APOB: variants seen among roughly 807,000 people sequenced by gnomAD.
APOB encodes apolipoprotein B.
APOB carries 153 observed loss-of-function variants against 314.1 expected under a neutral mutation model. The observed-to-expected ratio is 0.49, with a 90% confidence interval of 0.43 to 0.56. The LOEUF is 0.56. APOB is among the 20% of genes least tolerant of loss of function. The pLI, the probability that APOB is intolerant of heterozygous loss-of-function variation, is 0.00. For missense variants in APOB, 5,430 were observed against 5,350.7 expected (o/e 1.01, Z -0.46); for synonymous variants, 2,087 against 2,036.4 (o/e 1.02, Z -0.67).
intron 8 of APOB, among the ~76,000 whole-genome samples, 156 bp from the exon 9 acceptor site, chr2:21,033,674 T>G (rs1663935126): frequency 6.6e-6 from 1 of 152,146 alleles, no homozygotes; most frequent in South Asian, 2.1e-4. Flanking sequence ...CTGCCATAGG[T>G]GATTGACTTG....
At position 21,025,640 on chromosome 2, in the gene APOB, C is replaced by G. The variant is rs569504856; in HGVS notation, c.2245-516G>C. On this transcript the variant is annotated intron_variant, in intron 15 of 28. Coordinates refer to ENST00000233242, the MANE Select transcript of APOB (RefSeq NM_000384.3). The stretch of plus-strand genomic sequence containing the variant: ...AAAAAAAATGTGAAACTGACAGACT[C>G]AAAGCAGATCAAAGATCCTCGGCCT... Among the ~76,000 whole-genome samples the G allele has an allele frequency of 2.6e-5, 4 of 152,226 alleles. No individual in the cohort carries two copies. The East Asian group carries it at 7.7e-4, about 29-fold the overall frequency.
chr2:21,043,925 C>A lies in APOB; in HGVS notation c.21G>T (p.Ala7=). 1.4e-6 allele frequency: 2 copies of A among 1,393,532 alleles called. No individual in the cohort carries two copies. Among genetic ancestry groups the A allele is most frequent in the South Asian group, 1.5e-5 (1 of 65,472 alleles). The allele number at this position is 1,393,532 out of a possible 1,614,324, so 86.3% of individuals were successfully genotyped here. The change falls in exon 1 of 29, where the codon GCG becomes GCT. Residue 7 remains alanine, a synonymous_variant. Transcript: ENST00000233242. MDPPRP[A]LLALLALPAL... Reference sequence around the variant, plus strand: ...CAGGCAGCGCCAGCAGCGCCAGCAGCGCGGGCCTCGGCGGGTCCATCGCCA... The same window carrying A: ...CAGGCAGCGCCAGCAGCGCCAGCAGAGCGGGCCTCGGCGGGTCCATCGCCA...
At position 21,043,894 on chromosome 2, in the gene APOB, G is replaced by A; in HGVS notation, c.52C>T (p.Leu18=). 7.0e-7 allele frequency: 1 copy of A among 1,435,244 alleles called. No individual in the cohort carries two copies. The highest frequency in any genetic ancestry group is 9.1e-7 in the Non-Finnish European group (1 of 1,098,386). The allele number at this position is 1,435,244 out of a possible 1,614,324, so 88.9% of individuals were successfully genotyped here. ...CTGGCGCCCGCCAGCAGCAGCAGCAGCAGCGCAGGCAGCGCCAGCAGCGCC... is the reference window on the plus strand; with the variant it reads ...CTGGCGCCCGCCAGCAGCAGCAGCAACAGCGCAGGCAGCGCCAGCAGCGCC... The part of the protein sequence containing the change: ...LLALLALPAL[L]LLLLAGARAE... Residue 18 remains leucine, a synonymous_variant, in exon 1 of 29, where the codon CTG becomes TTG. Coordinates refer to ENST00000233242, the MANE Select transcript of APOB (RefSeq NM_000384.3).
Position 21,035,664 on chromosome 2 carries a change from C to T in APOB, c.738G>A (p.Gln246=), listed in dbSNP as rs1663985245. The change falls in exon 7 of 29, where the codon CAG becomes CAA. Residue 246 remains glutamine, a synonymous_variant. Coordinates refer to ENST00000233242, the MANE Select transcript of APOB (RefSeq NM_000384.3). ...GCTTCCTCTTAGCGTCCAGTGTGTA[C>T]TGACAGGACTGGCTGCTGCTGATCA... The part of the protein sequence containing the change: ...STLISSSQSC[Q]YTLDAKRKHV... The T allele has an allele frequency of 1.9e-6, 3 of 1,614,074 alleles. No homozygotes were observed. Among genetic ancestry groups the T allele is most frequent in the Non-Finnish European group, 1.7e-6 (2 of 1,180,014 alleles).
intron 10 of APOB, among the ~76,000 whole-genome samples, chr2:21,031,887 C>A (rs550678754): frequency 4.0e-5 from 6 of 151,836 alleles, no homozygotes; most frequent in East Asian, 1.9e-4. Flanking sequence ...AACAAACAAA[C>A]AAAAAAATTC....
intron 4 of APOB, among the ~76,000 whole-genome samples, chr2:21,039,488 AC>A (rs1176666675): frequency 2.6e-5 from 4 of 152,144 alleles, no homozygotes; most frequent in East Asian, 1.9e-4. Context: ...CACTCTGGTT[AC>A]ATCAGGAGGA....
chr2:21,009,373 C>G lies in APOB; in HGVS notation c.7495G>C (p.Ala2499Pro). The G allele has an allele frequency of 6.2e-7, 1 of 1,614,074 alleles. No individual in the cohort carries two copies. Among genetic ancestry groups the G allele is most frequent in the South Asian group, 1.1e-5 (1 of 91,072 alleles). ...ITLIINWLQE[A>P]LSSASLAHMK... ...TGAGCCAAAGATGCTGAACTTAAAGCCTCCTGTAACCAATTGATGATTAAG... is the reference window on the plus strand; with the variant it reads ...TGAGCCAAAGATGCTGAACTTAAAGGCTCCTGTAACCAATTGATGATTAAG... Residue 2499 changes from alanine (A) to proline (P), a missense_variant, in exon 26 of 29, where the codon GCT becomes CCT. By Grantham distance (27) the Ala-to-Pro change is conservative. Around this residue, in one of 3 missense-constraint regions of APOB, gnomAD observed 3,281 missense variants for 3,171.0 expected, o/e 1.03. Coordinates refer to ENST00000233242, the MANE Select transcript of APOB (RefSeq NM_000384.3).
rs1352275128 is a variant in APOB at position 21,029,882 on chromosome 2, A to G, written c.1470+16T>C. On this transcript the variant is annotated intron_variant, in intron 11 of 28. Transcript: ENST00000233242. ...GCTTCTGAAATGATGTATGTCATAT[A>G]AAAGACTGAGATTACCCGCAGAATC... 1 of 1,609,962 alleles carries G rather than the reference A, an allele frequency of 6.2e-7. No individual in the cohort carries two copies. The highest frequency in any genetic ancestry group is 8.5e-7 in the Non-Finnish European group (1 of 1,176,600).
intron 20 of APOB, among the ~76,000 whole-genome samples, chr2:21,017,917 A>C (rs2103365636): frequency 6.6e-6 from 1 of 152,266 alleles, no homozygotes; most frequent in South Asian, 2.1e-4. Flanking sequence ...GAACACCTAA[A>C]TGTGCCCCAT....
At chr2:21,042,733 C>T (rs1186990724) in intron 2 of APOB, among the ~76,000 whole-genome samples, 1 of 151,888 alleles carries the variant, frequency 6.6e-6, no homozygotes, top group Non-Finnish European at 1.5e-5. Context: ...TGACAAGTGT[C>T]AAGTAATGGG....
At chr2:21,020,229 G>T (rs1052341067) in intron 18 of APOB, among the ~76,000 whole-genome samples, 1 of 152,138 alleles carries the variant, frequency 6.6e-6, no homozygotes, top group Admixed American at 6.5e-5. Context: ...ACTTCAGTGT[G>T]CCCCTTCCTT....
chr2:21,013,572 C>T (rs1157563118), intron 24 of APOB, 39 bp from the exon 25 acceptor site: 16 of 1,613,068 alleles, frequency 9.9e-6, no homozygotes, highest in African/African-American at 1.3e-5. Context: ...CACAGTCAGA[C>T]ATCAGTCATT....
Position 21,013,481 on chromosome 2 carries a change from G to C in APOB, c.3895C>G (p.Pro1299Ala). The change falls in exon 25 of 29, where the codon CCT becomes GCT. Residue 1299 changes from proline (P) to alanine (A), a missense_variant. Around this residue, in one of 3 missense-constraint regions of APOB, gnomAD observed 2,085 missense variants for 2,079.7 expected, o/e 1.00. Coordinates refer to ENST00000233242, the MANE Select transcript of APOB (RefSeq NM_000384.3). ...LNKNSLKIEI[P>A]LPFGGKSSRD... ...GAGGATTTGCCACCAAAAGGCAAAG[G>C]AATCTCAATTTTCAAACTGTTCTTG... is the stretch of plus-strand genomic sequence containing the variant. 1 of 1,614,204 alleles carries C rather than the reference G, an allele frequency of 6.2e-7. No homozygotes were observed. The highest frequency in any genetic ancestry group is 1.1e-5 in the South Asian group (1 of 91,072).
chr2:21,040,161 T>C (rs1446014886), intron 4 of APOB, among the ~76,000 whole-genome samples: 1 of 152,198 alleles, frequency 6.6e-6, no homozygotes, highest in Non-Finnish European at 1.5e-5. Flanking sequence ...ACCATCTACA[T>C]AAGATGTGAC....
chr2:21,038,460 C>T (rs1057054302), intron 4 of APOB, among the ~76,000 whole-genome samples: 19 of 152,220 alleles, frequency 1.2e-4, no homozygotes, highest in Admixed American at 5.2e-4. Context: ...CCTCAGCCTC[C>T]GGAGTAGCTA....
At chr2:21,040,097 G>A (rs547194518) in intron 4 of APOB, among the ~76,000 whole-genome samples, 2 of 152,282 alleles carry the variant, frequency 1.3e-5, no homozygotes, top group Admixed American at 1.3e-4. Flanking sequence ...GGTGTCGGGA[G>A]ATCTGATGGT....
intron 8 of APOB, 64 bp from the exon 9 acceptor site, chr2:21,033,582 T>G: frequency 7.2e-7 from 1 of 1,381,874 alleles, no homozygotes; most frequent in Non-Finnish European, 1.0e-6. Flanking sequence ...CTTTGTCTAC[T>G]GGAAGCTGGA....
intron 4 of APOB, among the ~76,000 whole-genome samples, chr2:21,040,613 CAAA>C (rs1361797017): frequency 1.3e-5 from 2 of 152,190 alleles, no homozygotes; most frequent in African/African-American, 4.8e-5. Flanking sequence ...GACCCCACAC[CAAA>C]GACCACCAAG....
chr2:21,003,819 C>T (rs1029454861), intron 28 of APOB, among the ~76,000 whole-genome samples: 2 of 152,164 alleles, frequency 1.3e-5, no homozygotes, highest in African/African-American at 4.8e-5. Flanking sequence ...TGGTCTTCTC[C>T]TCTGGTAATG....
Sources: allele counts gnomAD v4.1 joint callset (sites outside exome capture counted in the v4.1 genomes callset), GRCh38; gene constraint gnomAD v4.1.1; regional missense constraint gnomAD v4.1.1; transcripts MANE v1.5; gene names NCBI Gene and HGNC (gene_info 2026-07-23, HGNC 2026-07-21).